VWA8: variants seen among roughly 807,000 people sequenced by gnomAD.
VWA8 encodes von Willebrand factor A domain containing 8, also known as von Willebrand factor A domain-containing protein 8.
VWA8 carries 221 observed loss-of-function variants against 241.5 expected under a neutral mutation model. The observed-to-expected ratio is 0.91, with a 90% CI of 0.82 to 1.02. VWA8 has a LOEUF of 1.02. Ranked by LOEUF, VWA8 falls within the 50% of genes least tolerant of loss-of-function variation. The pLI is 0.00. For synonymous variants in VWA8, 852 were observed against 827.1 expected (o/e 1.03, Z -0.52); for missense variants, 2,322 against 2,328.7 (o/e 1.00, Z 0.06).
At chr13:41,692,736 A>G in intron 30 of VWA8, 126 bp downstream of exon 30, 1 of 632,492 alleles carries the variant, frequency 1.6e-6, no homozygotes, top group Non-Finnish European at 2.8e-6. Context: ...ATACGTGCAT[A>G]ACAGGAAATT....
intron 12 of VWA8, among the ~76,000 whole-genome samples, chr13:41,851,267 G>C (rs757921713): frequency 1.2e-4 from 18 of 152,172 alleles, no homozygotes; most frequent in Non-Finnish European, 2.6e-4. Flanking sequence ...CAAGCCAAAT[G>C]AAAGACCCCA....
intron 38 of VWA8, among the ~76,000 whole-genome samples, chr13:41,614,266 A>C (rs1245250631): frequency 6.6e-6 from 1 of 152,202 alleles, no homozygotes; most frequent in Non-Finnish European, 1.5e-5. Flanking sequence ...AGGAAGGTGA[A>C]GTACAGAGCT....
At chr13:41,822,793 T>C (rs1021086197) in intron 14 of VWA8, among the ~76,000 whole-genome samples, 5 of 152,134 alleles carry the variant, frequency 3.3e-5, no homozygotes, top group African/African-American at 1.2e-4. Flanking sequence ...AAACTATCAA[T>C]GTACATAACA....
At chr13:41,680,352 T>C (rs967173291) in intron 35 of VWA8, among the ~76,000 whole-genome samples, 2 of 152,184 alleles carry the variant, frequency 1.3e-5, no homozygotes, top group African/African-American at 4.8e-5. Context: ...ATCTTAGGCC[T>C]GTGCATGGCT....
At chr13:41,842,368 A>G (rs1872095897) in intron 12 of VWA8, among the ~76,000 whole-genome samples, 1 of 152,190 alleles carries the variant, frequency 6.6e-6, no homozygotes, top group Admixed American at 6.5e-5. Context: ...TTCCTCTTTT[A>G]AAGAACTATT....
chr13:41,794,758 T>C (rs576629236), intron 17 of VWA8, among the ~76,000 whole-genome samples: 3 of 152,240 alleles, frequency 2.0e-5, no homozygotes, highest in Admixed American at 2.0e-4. Flanking sequence ...CAGTATGATA[T>C]TGGCTGTGGA....
At chr13:41,877,289 T>C (rs1452604960) in intron 9 of VWA8, among the ~76,000 whole-genome samples, 1 of 152,116 alleles carries the variant, frequency 6.6e-6, no homozygotes, top group Non-Finnish European at 1.5e-5. Context: ...GTTAGTAACA[T>C]GTATCATCCT....
intron 26 of VWA8, among the ~76,000 whole-genome samples, chr13:41,712,640 C>G (rs2045325564): frequency 6.6e-6 from 1 of 152,130 alleles, no homozygotes; most frequent in African/African-American, 2.4e-5. Flanking sequence ...CCCATGAAAA[C>G]AGTTGACTAA....
intron 41 of VWA8, 66 bp from the exon 42 acceptor site, chr13:41,587,736 G>A (rs555515948): frequency 6.3e-7 from 1 of 1,589,504 alleles, no homozygotes; most frequent in African/African-American, 1.3e-5. Context: ...GCTGTCTTGG[G>A]GATCTCACAG....
chr13:41,876,101 A>C (rs1873885929), intron 9 of VWA8, among the ~76,000 whole-genome samples: 1 of 152,070 alleles, frequency 6.6e-6, no homozygotes, highest in South Asian at 2.1e-4. Context: ...ACTTCTTATC[A>C]ACATCACAGC....
At chr13:41,807,415 G>A (rs575212590) in intron 17 of VWA8, among the ~76,000 whole-genome samples, 2 of 152,226 alleles carry the variant, frequency 1.3e-5, no homozygotes, top group African/African-American at 4.8e-5. Context: ...CAATATCCTT[G>A]ACAAATGTTG....
chr13:41,936,347 T>G (rs1002996866), intron 2 of VWA8, among the ~76,000 whole-genome samples: 4 of 152,214 alleles, frequency 2.6e-5, no homozygotes, highest in African/African-American at 9.6e-5. Context: ...ATGTTGTGCC[T>G]GTTTAAATCC....
At position 41,721,586 on chromosome 13, in the gene VWA8, G is replaced by T; in HGVS notation, c.2759-11C>A. 6.2e-7 allele frequency: 1 copy of T among 1,602,132 alleles called. No homozygotes were observed. Among genetic ancestry groups the T allele is most frequent in the Non-Finnish European group, 8.5e-7 (1 of 1,174,466 alleles). Reference sequence around the variant, plus strand: ...AGCTAAAAATATCACCTAAAGGAGAGAAAAGATTCACATTCAGTATGCAAC... The same window carrying T: ...AGCTAAAAATATCACCTAAAGGAGATAAAAGATTCACATTCAGTATGCAAC... On this transcript the variant is annotated splice_polypyrimidine_tract_variant and intron_variant, in intron 24 of 44. Transcript: ENST00000379310.
At chr13:41,924,487 G>T (rs1057218986) in intron 2 of VWA8, among the ~76,000 whole-genome samples, 1 of 151,930 alleles carries the variant, frequency 6.6e-6, no homozygotes, top group Non-Finnish European at 1.5e-5. Flanking sequence ...GAAAGAAAAA[G>T]AAAACAGAGT....
rs1170455108 is a variant in VWA8, at chr13:41,950,006, T to C, written c.171A>G (p.Thr57=). The C allele has an allele frequency of 3.2e-6, 5 of 1,568,872 alleles. No homozygotes were observed. Among genetic ancestry groups the C allele is most frequent in the Non-Finnish European group, 3.5e-6 (4 of 1,151,900 alleles). Residue 57 remains threonine, a synonymous_variant, in exon 2 of 45, where the codon ACA becomes ACG. Coordinates refer to ENST00000379310, the MANE Select transcript of VWA8 (RefSeq NM_015058.2). ...TGTAGGATACATCTCCAATATTAAC[T>C]GTATCACCTAAAAAGAGATTTTAAA... ...HAGSGADTGD[T]VNIGDVSYKL... is the part of the protein sequence containing the mutation.
At position 41,782,355 on chromosome 13, in the gene VWA8, CTCTTTGTCTCTTTGT is replaced by C. The variant is rs1027523239; in HGVS notation, c.2277+1425_2277+1439del. On this transcript the variant is annotated intron_variant, in intron 19 of 44. Transcript: ENST00000379310. ...TTTCAAATTGTCTTTTGTTCTTTGT[CTCTTTGTCTCTTTGT>C]TCTTTGTCTCTTTGTTCCTTTCCAC... Among the ~76,000 whole-genome samples the C allele has an allele frequency of 1.6e-4, 25 of 151,682 alleles. 1 individual carries two copies. The highest frequency in any genetic ancestry group is 1.9e-4 in the East Asian group (1 of 5,204).
intron 2 of VWA8, among the ~76,000 whole-genome samples, chr13:41,943,295 C>T: frequency 6.6e-6 from 1 of 152,118 alleles, no homozygotes; most frequent in East Asian, 1.9e-4. Context: ...ACTATAGATT[C>T]TACAGATATC....
chr13:41,608,392 A>G (rs1398874184), intron 39 of VWA8, among the ~76,000 whole-genome samples: 6 of 152,222 alleles, frequency 3.9e-5, no homozygotes, highest in Admixed American at 3.3e-4. Context: ...TCTCAGGCCC[A>G]CAAAACTAGC....
At chr13:41,570,387 T>G in intron 44 of VWA8, 81 bp downstream of exon 44, 4 of 1,293,686 alleles carry the variant, frequency 3.1e-6, no homozygotes, top group Non-Finnish European at 4.4e-6. Flanking sequence ...TCCCTCATGG[T>G]GCTAAGCCTA....
Sources: allele counts gnomAD v4.1 joint callset (sites outside exome capture counted in the v4.1 genomes callset), GRCh38; gene constraint gnomAD v4.1.1; transcripts MANE v1.5; gene names NCBI Gene and HGNC (gene_info 2026-07-23, HGNC 2026-07-21).